The following CPA6 variants were observed in gnomAD, a reference collection of about 807,000 sequenced individuals.
The protein encoded by CPA6 is carboxypeptidase A6, also known as carboxypeptidase B.
In CPA6, 58 loss-of-function variants were observed where a neutral mutation model predicts 63.3. That is an observed-to-expected ratio of 0.92 (90% CI 0.74 to 1.14). The LOEUF (loss-of-function observed/expected upper bound fraction) is 1.14, where lower values mean the gene tolerates loss of function less well. Among genes scored for constraint, CPA6 ranks in the 50% most tolerant of loss-of-function variants. CPA6 has a pLI of 0.00. For synonymous variants in CPA6, 185 were observed against 179.0 expected (o/e 1.03, Z -0.27); for missense variants, 565 against 526.6 (o/e 1.07, Z -0.71).
At chr8:67,736,345 T>C (rs998448114) in intron 1 of CPA6, among the ~76,000 whole-genome samples, 16 of 152,346 alleles carry the variant, frequency 1.1e-4, no homozygotes, top group Admixed American at 3.9e-4. Context: ...CTTGAAATTA[T>C]GGTTTCCTTT....
chr8:67,447,959 A>C (rs946317137), intron 8 of CPA6, among the ~76,000 whole-genome samples: 1 of 151,982 alleles, frequency 6.6e-6, no homozygotes, highest in African/African-American at 2.4e-5. Flanking sequence ...TAATTTTGGT[A>C]TTTTTAGTAG....
intron 8 of CPA6, among the ~76,000 whole-genome samples, chr8:67,435,664 C>T (rs1315892060): frequency 6.6e-6 from 1 of 151,804 alleles, no homozygotes; most frequent in Non-Finnish European, 1.5e-5. Flanking sequence ...GTCTGTCTGC[C>T]TGTCTCTCTC....
chr8:67,564,170 T>C (rs1813281514), intron 2 of CPA6, among the ~76,000 whole-genome samples: 1 of 152,156 alleles, frequency 6.6e-6, no homozygotes, highest in African/African-American at 2.4e-5. Context: ...TATCATCTTG[T>C]TGGCAAGACA....
At chr8:67,444,849 G>T (rs16933306) in intron 8 of CPA6, among the ~76,000 whole-genome samples, 48 of 151,970 alleles carry the variant, frequency 3.2e-4, no homozygotes, top group Non-Finnish European at 5.6e-4. Flanking sequence ...ATTTAAAAGA[G>T]GCAAGGAGTA....
intron 6 of CPA6, among the ~76,000 whole-genome samples, chr8:67,487,793 T>A (rs1198087369): frequency 6.6e-6 from 1 of 152,252 alleles, no homozygotes; most frequent in Non-Finnish European, 1.5e-5. Context: ...TTGATTTGCG[T>A]TTCTCTGATG....
At chr8:67,612,413 A>G (rs1165318968) in intron 2 of CPA6, among the ~76,000 whole-genome samples, 1 of 152,192 alleles carries the variant, frequency 6.6e-6, no homozygotes, top group Non-Finnish European at 1.5e-5. Flanking sequence ...CTTGTGATGC[A>G]ACTCCCAAAG....
chr8:67,547,457 A>G (rs1163183761), intron 2 of CPA6, among the ~76,000 whole-genome samples: 1 of 152,084 alleles, frequency 6.6e-6, no homozygotes, highest in East Asian at 1.9e-4. Context: ...ACATAGTATA[A>G]AATTTTAACT....
intron 8 of CPA6, among the ~76,000 whole-genome samples, chr8:67,478,749 ACC>A (rs1380269380): frequency 3.9e-5 from 6 of 152,098 alleles, no homozygotes; most frequent in Non-Finnish European, 8.8e-5. Flanking sequence ...AGAAATTGAC[ACC>A]CCTGGCTGGG....
chr8:67,689,595 G>C (rs1183832575), intron 1 of CPA6, among the ~76,000 whole-genome samples: 1 of 152,206 alleles, frequency 6.6e-6, no homozygotes, highest in Non-Finnish European at 1.5e-5. Flanking sequence ...TTGCTGGAGA[G>C]GATATGATTT....
At chr8:67,537,622 C>T (rs1284442163) in intron 2 of CPA6, among the ~76,000 whole-genome samples, 7 of 151,986 alleles carry the variant, frequency 4.6e-5, no homozygotes, top group Non-Finnish European at 1.0e-4. Flanking sequence ...TTTTGTTAAT[C>T]TTTTCAAAAA....
intron 2 of CPA6, among the ~76,000 whole-genome samples, chr8:67,539,460 G>T (rs549192289): frequency 4.6e-5 from 7 of 152,164 alleles, no homozygotes; most frequent in Admixed American, 1.3e-4. Context: ...TGGTGAATCT[G>T]ACAATTATGT....
intron 1 of CPA6, among the ~76,000 whole-genome samples, chr8:67,724,856 G>T (rs1283488547): frequency 6.6e-6 from 1 of 152,176 alleles, no homozygotes; most frequent in Non-Finnish European, 1.5e-5. Context: ...ATCATTCAAG[G>T]CCCTGCCTTA....
chr8:67,509,577 G>A lies in CPA6; in HGVS notation c.474C>T (p.Gly158=). 1 of 1,599,104 alleles carries A rather than the reference G, an allele frequency of 6.3e-7. No homozygotes were observed. The highest frequency in any genetic ancestry group is 8.5e-7 in the Non-Finnish European group (1 of 1,170,278). ...WMHHLNKTHS[G]LIHMFSIGRS... ...TTCCAATAGAGAACATGTGAATGAG[G>A]CCTGAGTGAGTTTTATTCAGATGAT... Residue 158 remains glycine (G), a synonymous_variant, in exon 5 of 11, where the codon GGC becomes GGT. Coordinates refer to ENST00000297770, the MANE Select transcript of CPA6 (RefSeq NM_020361.5).
chr8:67,422,756 T>C, intron 10 of CPA6, 65 bp from the exon 11 acceptor site: 1 of 1,211,192 alleles, frequency 8.3e-7, no homozygotes, highest in South Asian at 1.5e-5. Flanking sequence ...TTTCTAAATG[T>C]ATATACTATA....
At chr8:67,621,429 C>G (rs1330294670) in intron 2 of CPA6, among the ~76,000 whole-genome samples, 1 of 152,158 alleles carries the variant, frequency 6.6e-6, no homozygotes, top group Admixed American at 6.5e-5. Flanking sequence ...GCCCTGCAAA[C>G]TTGGCTTCAA....
At chr8:67,684,328 T>C (rs908138823) in intron 1 of CPA6, among the ~76,000 whole-genome samples, 2 of 152,140 alleles carry the variant, frequency 1.3e-5, no homozygotes, top group Non-Finnish European at 2.9e-5. Flanking sequence ...AGGAGCTTAA[T>C]AAATATTTCA....
chr8:67,668,732 G>A (rs991781411), intron 1 of CPA6, among the ~76,000 whole-genome samples: 1 of 152,136 alleles, frequency 6.6e-6, no homozygotes, highest in Non-Finnish European at 1.5e-5. Context: ...TGGGCCCCCA[G>A]CATTATACTA....
At chr8:67,629,849 G>GT (rs1408682765) in intron 1 of CPA6, among the ~76,000 whole-genome samples, 1 of 152,014 alleles carries the variant, frequency 6.6e-6, no homozygotes, top group Non-Finnish European at 1.5e-5. Context: ...GCTCACACCT[G>GT]TAATCCCAGT....
intron 2 of CPA6, among the ~76,000 whole-genome samples, chr8:67,603,589 G>A (rs910226545): frequency 2.6e-5 from 4 of 152,140 alleles, no homozygotes; most frequent in African/African-American, 9.7e-5. Flanking sequence ...TGGATTCTTT[G>A]AATAGTATTG....
Sources: gnomAD v4.1 joint callset for allele counts (sites outside exome capture counted in the v4.1 genomes callset) on GRCh38, gnomAD v4.1.1 for gene constraint, MANE v1.5 for transcripts, NCBI Gene and HGNC (gene_info 2026-07-23, HGNC 2026-07-21) for gene names.